Variants in C1QTNF3 observed in about 807,000 individuals in gnomAD.
C1QTNF3 encodes C1q and TNF related 3.
A neutral mutation model predicts 32.6 loss-of-function variants in C1QTNF3; 26 were observed. That is an observed-to-expected ratio of 0.80 (90% CI 0.58 to 1.11). C1QTNF3 has a LOEUF of 1.11. C1QTNF3 is among the 50% of genes least tolerant of loss of function. C1QTNF3 has a pLI of 0.00. For missense variants in C1QTNF3, 362 were observed against 398.2 expected (o/e 0.91, Z 0.77); for synonymous variants, 155 against 146.0 (o/e 1.06, Z -0.44).
chr5:34,039,955 A>C (rs1427372171), intron 1 of C1QTNF3, among the ~76,000 whole-genome samples: 1 of 152,122 alleles, frequency 6.6e-6, no homozygotes, highest in Non-Finnish European at 1.5e-5. Context: ...ACAGTGAGAG[A>C]CTTCTGGTTA....
the C1QTNF3 span, among the ~76,000 whole-genome samples, chr5:34,125,856 A>G: frequency 0.27 from 41,456 of 152,142 alleles, 6,983 homozygotes; most frequent in East Asian, 0.53. Context: ...TTTAATAGTC[A>G]ATACTAAATT....
intron 1 of C1QTNF3, among the ~76,000 whole-genome samples, chr5:34,042,344 C>A (rs2112125604): frequency 6.6e-6 from 1 of 152,192 alleles, no homozygotes; most frequent in Non-Finnish European, 1.5e-5. Context: ...TGAAATGTCA[C>A]AGTATACTCA....
At chr5:34,130,907 T>C in the C1QTNF3 span, among the ~76,000 whole-genome samples, 1 of 152,358 alleles carries the variant, frequency 6.6e-6, no homozygotes, top group South Asian at 2.1e-4. Context: ...CTGAATTTCA[T>C]TGAGAAGGTA....
the C1QTNF3 span, among the ~76,000 whole-genome samples, chr5:34,227,172 CAAG>C: frequency 6.7e-6 from 1 of 149,834 alleles, no homozygotes; most frequent in Non-Finnish European, 1.5e-5. Context: ...AAGCTACTCA[CAAG>C]AAGATGATTA....
At chr5:34,220,616 A>T in the C1QTNF3 span, among the ~76,000 whole-genome samples, 1 of 152,068 alleles carries the variant, frequency 6.6e-6, no homozygotes, top group Non-Finnish European at 1.5e-5. Context: ...CTTTCTAAGT[A>T]TGGAAAGACT....
the C1QTNF3 span, among the ~76,000 whole-genome samples, chr5:34,100,520 C>T: frequency 6.6e-6 from 1 of 151,728 alleles, no homozygotes; most frequent in Non-Finnish European, 1.5e-5. Flanking sequence ...TAACACAGTA[C>T]CTAAAATATA....
In C1QTNF3 at chr5:34,042,980, C is replaced by T. The variant is rs376644937; in HGVS notation, c.146G>A (p.Arg49His). ...RIVQSHQQTG[R>H]SGSRREKVRE... Reference sequence around the variant, plus strand: ...CACTTTCTCCCTCCTGGAGCCGCTACGGCCAGTCTGCTGGTGGCTTTGCAC... The same window carrying T: ...CACTTTCTCCCTCCTGGAGCCGCTATGGCCAGTCTGCTGGTGGCTTTGCAC... Residue 49 changes from arginine to histidine, a missense_variant, in exon 1 of 6, where the codon CGT (arginine) becomes CAT (histidine). Transcript: ENST00000382065. The T allele has an allele frequency of 1.5e-5, 25 of 1,614,086 alleles. No homozygotes were observed. In the African/African-American group the frequency reaches 2.3e-4, roughly 15 times the overall value.
chr5:34,024,845 T>C (rs1754422146), intron 4 of C1QTNF3, among the ~76,000 whole-genome samples: 1 of 152,218 alleles, frequency 6.6e-6, no homozygotes, highest in Non-Finnish European at 1.5e-5. Context: ...TGATATGGGA[T>C]TTTGGTGTGC....
the C1QTNF3 span, among the ~76,000 whole-genome samples, chr5:34,087,570 C>CTTTTTTT: frequency 1.6e-4 from 11 of 70,028 alleles, no homozygotes; most frequent in Non-Finnish European, 2.3e-4. Flanking sequence ...ACGCTTTTGT[C>CTTTTTTT]TTTTTTTTTT....
chr5:34,055,219 A>G, the C1QTNF3 span, among the ~76,000 whole-genome samples: 1 of 152,192 alleles, frequency 6.6e-6, no homozygotes, highest in Non-Finnish European at 1.5e-5. Context: ...TTTGTCATTT[A>G]TTCCAAATTC....
chr5:34,143,237 A>C, the C1QTNF3 span, among the ~76,000 whole-genome samples: 5 of 152,184 alleles, frequency 3.3e-5, no homozygotes, highest in African/African-American at 1.2e-4. Flanking sequence ...ATAAATACAA[A>C]ATAAGTTTAA....
At chr5:34,177,701 C>T in the C1QTNF3 span, among the ~76,000 whole-genome samples, 9 of 151,644 alleles carry the variant, frequency 5.9e-5, 2 homozygotes, top group Middle Eastern at 0.02. Context: ...GTTGGTCAAG[C>T]TGGACTTGAA....
chr5:34,116,332 T>C, the C1QTNF3 span, among the ~76,000 whole-genome samples: 61 of 152,326 alleles, frequency 4.0e-4, no homozygotes, highest in African/African-American at 1.3e-3. Context: ...GAGTGTCCTA[T>C]AGATAGATGT....
chr5:34,113,768 T>C, the C1QTNF3 span, among the ~76,000 whole-genome samples: 1 of 152,130 alleles, frequency 6.6e-6, no homozygotes, highest in Admixed American at 6.6e-5. Context: ...CAAAAAGCAC[T>C]GGCTTATTAT....
chr5:34,225,581 T>C, the C1QTNF3 span, among the ~76,000 whole-genome samples: 18 of 151,964 alleles, frequency 1.2e-4, no homozygotes, highest in South Asian at 2.1e-4. Context: ...TGGGCAGCAA[T>C]TGACCCCTCT....
chr5:34,092,151 G>A, the C1QTNF3 span, among the ~76,000 whole-genome samples: 1 of 151,892 alleles, frequency 6.6e-6, no homozygotes, highest in Non-Finnish European at 1.5e-5. Flanking sequence ...ATTTGCATCT[G>A]TCTTATAGAT....
chr5:34,039,270 TA>T (rs368042055), intron 1 of C1QTNF3, among the ~76,000 whole-genome samples: 2 of 152,146 alleles, frequency 1.3e-5, no homozygotes, highest in Non-Finnish European at 2.9e-5. Flanking sequence ...TATGCCAACG[TA>T]AAAAAACCCC....
chr5:34,164,268 T>C, the C1QTNF3 span, among the ~76,000 whole-genome samples: 1 of 152,144 alleles, frequency 6.6e-6, no homozygotes, highest in Non-Finnish European at 1.5e-5. Flanking sequence ...CTGTGATGTC[T>C]ATTGCCAGAA....
At chr5:34,024,116 T>A in intron 4 of C1QTNF3, 108 bp from the exon 5 acceptor site, 1 of 777,450 alleles carries the variant, frequency 1.3e-6, no homozygotes, top group African/African-American at 1.7e-5. Flanking sequence ...TTATTGATAT[T>A]CTTTGTAGTA....
Sources: allele counts gnomAD v4.1 joint callset (sites outside exome capture counted in the v4.1 genomes callset), GRCh38; gene constraint gnomAD v4.1.1; transcripts MANE v1.5; gene names NCBI Gene and HGNC (gene_info 2026-07-23, HGNC 2026-07-21).